The following GOLM2 variants were observed in gnomAD, a reference collection of about 807,000 sequenced individuals.
GOLM2 encodes protein GOLM2.
Under a neutral mutation model 55.9 loss-of-function variants are expected in GOLM2, and 26 were observed. That is an observed-to-expected ratio of 0.47 (90% CI 0.34 to 0.65). GOLM2 has a LOEUF of 0.65. Among genes scored for constraint, GOLM2 ranks in the 30% least tolerant of loss-of-function variants. The pLI is 0.01. For missense variants in GOLM2, 486 were observed against 531.8 expected (o/e 0.91, Z 0.85); for synonymous variants, 165 against 194.6 (o/e 0.85, Z 1.27).
At chr15:44,296,046 T>C (rs1450939002) in intron 1 of GOLM2, among the ~76,000 whole-genome samples, 1 of 152,064 alleles carries the variant, frequency 6.6e-6, no homozygotes, top group South Asian at 2.1e-4. Context: ...CTCTCTCTCT[T>C]TGTCTTTTAA....
chr15:44,314,236 CAA>C (rs1238536916), intron 1 of GOLM2, among the ~76,000 whole-genome samples: 5 of 121,658 alleles, frequency 4.1e-5, no homozygotes, highest in Non-Finnish European at 7.0e-5. Context: ...AACTCCGTCT[CAA>C]AAAAAAAAAA....
At chr15:44,357,096 C>T (rs933594561) in intron 6 of GOLM2, among the ~76,000 whole-genome samples, 4 of 151,854 alleles carry the variant, frequency 2.6e-5, no homozygotes, top group African/African-American at 4.8e-5. Flanking sequence ...TGCTTGAGCC[C>T]AGGAGATGGA....
intron 6 of GOLM2, among the ~76,000 whole-genome samples, chr15:44,364,387 G>A (rs1719607456): frequency 1.1e-5 from 1 of 88,814 alleles, no homozygotes. Flanking sequence ...TTGGACAGGT[G>A]TGGCCGGGCG....
intron 6 of GOLM2, among the ~76,000 whole-genome samples, chr15:44,348,196 T>C (rs80346482): frequency 0.1 from 15,787 of 152,060 alleles, 1,770 homozygotes; most frequent in African/African-American, 0.27. Context: ...GGTCTTGCAG[T>C]GTAGATTTGA....
intron 6 of GOLM2, among the ~76,000 whole-genome samples, chr15:44,372,855 G>A (rs1045850229): frequency 7.2e-5 from 11 of 151,832 alleles, no homozygotes; most frequent in African/African-American, 1.7e-4. Context: ...AATATGCTGC[G>A]CATGCTCCTG....
intron 1 of GOLM2, among the ~76,000 whole-genome samples, chr15:44,306,930 G>A (rs540462807): frequency 6.6e-6 from 1 of 152,110 alleles, no homozygotes; most frequent in South Asian, 2.1e-4. Flanking sequence ...GCAGTTTGTG[G>A]TGCCCCCAAT....
intron 3 of GOLM2, among the ~76,000 whole-genome samples, chr15:44,331,067 T>G (rs2079019734): frequency 6.6e-6 from 1 of 152,124 alleles, no homozygotes; most frequent in Non-Finnish European, 1.5e-5. Context: ...AGGCTGGGAG[T>G]GCAGTGGCAC....
chr15:44,308,920 G>T (rs2078856144), intron 1 of GOLM2, among the ~76,000 whole-genome samples: 1 of 152,090 alleles, frequency 6.6e-6, no homozygotes, highest in Non-Finnish European at 1.5e-5. Flanking sequence ...AATATATAAG[G>T]AACTTATACA....
chr15:44,336,318 T>A (rs1204475587), intron 4 of GOLM2, among the ~76,000 whole-genome samples: 1 of 150,776 alleles, frequency 6.6e-6, no homozygotes, highest in Non-Finnish European at 1.5e-5. Context: ...GGGGTTTTAC[T>A]GTGTTAGCCA....
At chr15:44,296,925 C>T (rs1011153183) in intron 1 of GOLM2, among the ~76,000 whole-genome samples, 1 of 152,228 alleles carries the variant, frequency 6.6e-6, no homozygotes, top group African/African-American at 2.4e-5. Context: ...GCCTTTGCCT[C>T]TGCCTCACCA....
At chr15:44,369,353 T>C (rs1266582807) in intron 6 of GOLM2, among the ~76,000 whole-genome samples, 18 of 150,816 alleles carry the variant, frequency 1.2e-4, no homozygotes, top group Admixed American at 1.1e-3. Flanking sequence ...CTATCTAAAA[T>C]AGAGCCTCCC....
At chr15:44,321,221 C>T (rs2078946150) in intron 1 of GOLM2, among the ~76,000 whole-genome samples, 1 of 152,080 alleles carries the variant, frequency 6.6e-6, no homozygotes, top group African/African-American at 2.4e-5. Context: ...CCTGTAATCC[C>T]AGCACTTTGG....
intron 8 of GOLM2, among the ~76,000 whole-genome samples, chr15:44,384,616 G>A (rs1461728729): frequency 6.6e-6 from 1 of 152,020 alleles, no homozygotes; most frequent in Admixed American, 6.6e-5. Context: ...GCGTGGTGGC[G>A]GGCGCCTGTA....
Position 44,379,202 on chromosome 15 carries a change from C to T in GOLM2, c.803-488C>T, listed in dbSNP as rs547235450. ...CAAAAAAATCTGTGATGGGGCCGGG[C>T]GCGGCGGCTCACACCTATAATCCCA... On this transcript the variant is annotated intron_variant, in intron 6 of 9. Coordinates refer to ENST00000299957, the MANE Select transcript of GOLM2 (RefSeq NM_138423.4). Among the ~76,000 whole-genome samples, 63 of 152,220 alleles carry T rather than the reference C, an allele frequency of 4.1e-4. No homozygotes were observed. The South Asian group carries it at 0.01, about 25-fold the overall frequency.
intron 2 of GOLM2, 140 bp downstream of exon 2, chr15:44,323,159 T>TAAA (rs1398816309): frequency 5.1e-5 from 27 of 532,086 alleles, no homozygotes; most frequent in African/African-American, 4.6e-4. Context: ...ATTTATCCTT[T>TAAA]TGCCTTAAGA....
intron 6 of GOLM2, among the ~76,000 whole-genome samples, chr15:44,370,768 C>T (rs2079324566): frequency 6.6e-6 from 1 of 152,100 alleles, no homozygotes; most frequent in Non-Finnish European, 1.5e-5. Context: ...TCAAGCTCTC[C>T]TCCCACCTTT....
In GOLM2 at chr15:44,397,246, G is replaced by A. The variant is rs1007585185; in HGVS notation, c.1073-5641G>A. ...TGGAATCCCAGCACTTTGGGAGGCC[G>A]AGGCAGGCCGATCACGAGGTCAGGA... is the stretch of plus-strand genomic sequence containing the variant. On this transcript the variant is annotated intron_variant, in intron 8 of 9. Transcript: ENST00000299957. Among the ~76,000 whole-genome samples, 8 of 151,938 alleles carry A rather than the reference G, an allele frequency of 5.3e-5. No homozygotes were observed. The South Asian group carries it at 8.3e-4, about 16-fold the overall frequency.
intron 1 of GOLM2, among the ~76,000 whole-genome samples, chr15:44,293,816 G>T (rs1326988118): frequency 6.6e-6 from 1 of 152,198 alleles, no homozygotes; most frequent in Non-Finnish European, 1.5e-5. Context: ...CACTTTGGAA[G>T]AAAGTATGTT....
At chr15:44,337,596 TA>T (rs1417602650) in intron 4 of GOLM2, among the ~76,000 whole-genome samples, 166 bp from the exon 5 acceptor site, 7 of 152,250 alleles carry the variant, frequency 4.6e-5, no homozygotes, top group Non-Finnish European at 8.8e-5. Context: ...TTATCAGGTA[TA>T]AAAATCACAC....
Sources: allele counts gnomAD v4.1 joint callset (sites outside exome capture counted in the v4.1 genomes callset), GRCh38; gene constraint gnomAD v4.1.1; transcripts MANE v1.5; gene names NCBI Gene and HGNC (gene_info 2026-07-23, HGNC 2026-07-21).